Variants in DTNB observed in about 807,000 individuals in gnomAD.
DTNB encodes the protein dystrobrevin beta, also known as DTN-B.
In DTNB, 63 loss-of-function variants were observed where a neutral mutation model predicts 90.7. That is an observed-to-expected ratio of 0.69 (90% CI 0.57 to 0.86). The LOEUF is 0.86. DTNB is among the 40% of genes least tolerant of loss of function. The pLI is 0.00. For synonymous variants in DTNB, 277 were observed against 286.7 expected, an observed-to-expected ratio of 0.97 and a Z score of 0.34; for missense variants, 744 against 807.1, an observed-to-expected ratio of 0.92 and a Z score of 0.95.
chr2:25,608,781 G>GA (rs1016714279), intron 4 of DTNB, among the ~76,000 whole-genome samples: 16 of 150,156 alleles, frequency 1.1e-4, no homozygotes, highest in Middle Eastern at 3.4e-3. Context: ...TACAAAGAAG[G>GA]AAAAAAAAAC....
At chr2:25,618,702 T>C (rs543628948) in intron 4 of DTNB, among the ~76,000 whole-genome samples, 1 of 152,314 alleles carries the variant, frequency 6.6e-6, no homozygotes, top group South Asian at 2.1e-4. Flanking sequence ...GTTGAGATGA[T>C]AAGACAGAAG....
chr2:25,414,161 T>C (rs538024864), intron 16 of DTNB, among the ~76,000 whole-genome samples: 71 of 152,362 alleles, frequency 4.7e-4, no homozygotes, highest in Non-Finnish European at 9.0e-4. Flanking sequence ...GAGTTCTTTG[T>C]AGATTCTGGA....
intron 15 of DTNB, among the ~76,000 whole-genome samples, chr2:25,425,728 AG>A (rs2051335747): frequency 6.6e-6 from 1 of 152,242 alleles, no homozygotes; most frequent in Admixed American, 6.5e-5. Flanking sequence ...TACAAAATGC[AG>A]GGAGTTCTCA....
intron 8 of DTNB, among the ~76,000 whole-genome samples, chr2:25,533,958 T>G (rs1252676995): frequency 6.6e-6 from 1 of 151,386 alleles, no homozygotes; most frequent in Non-Finnish European, 1.5e-5. Context: ...ATTTATTTAT[T>G]TATTTATTTA....
chr2:25,506,722 ATTAAAT>A (rs2072543504), intron 9 of DTNB, among the ~76,000 whole-genome samples: 1 of 152,260 alleles, frequency 6.6e-6, no homozygotes, highest in African/African-American at 2.4e-5. Context: ...ATTGTTAAAA[ATTAAAT>A]TTAATGTTTT....
chr2:25,534,814 C>T lies in DTNB; in HGVS notation c.877-3217G>A, dbSNP rs187016809. ...GCAGAGGTACTCCCCACCTCCCAGACGAAGAGCGGCCGGGCAGAGGTGCCC... is the reference window on the plus strand; with the variant it reads ...GCAGAGGTACTCCCCACCTCCCAGATGAAGAGCGGCCGGGCAGAGGTGCCC... On this transcript the variant is annotated intron_variant, in intron 8 of 20. Coordinates refer to ENST00000406818, the MANE Select transcript of DTNB (RefSeq NM_021907.5). 6.7e-3 allele frequency among the ~76,000 whole-genome samples: 882 copies of T among 132,032 alleles called. 12 individuals are homozygous for T. Among genetic ancestry groups the T allele is most frequent in the Middle Eastern group, 0.03 (5 of 164 alleles). 86.6% of individuals were successfully genotyped at this position (132,032 alleles called of 152,430 possible).
At chr2:25,395,244 G>A (rs1442892072) in intron 16 of DTNB, among the ~76,000 whole-genome samples, 1 of 152,116 alleles carries the variant, frequency 6.6e-6, no homozygotes, top group Non-Finnish European at 1.5e-5. Flanking sequence ...GTGGGGTGTG[G>A]AAAAGGATAA....
At chr2:25,497,005 C>T (rs2069060752) in intron 9 of DTNB, among the ~76,000 whole-genome samples, 2 of 152,328 alleles carry the variant, frequency 1.3e-5, no homozygotes, top group South Asian at 2.1e-4. Context: ...TAAACCTTCA[C>T]ACTCTGTAGC....
chr2:25,459,828 C>T (rs969151437), intron 10 of DTNB, among the ~76,000 whole-genome samples: 1 of 152,014 alleles, frequency 6.6e-6, no homozygotes, highest in African/African-American at 2.4e-5. Context: ...GATCATTAGG[C>T]CGGGTGTGGT....
intron 8 of DTNB, among the ~76,000 whole-genome samples, chr2:25,555,887 G>A (rs935613334): frequency 6.6e-6 from 1 of 152,252 alleles, no homozygotes; most frequent in African/African-American, 2.4e-5. Flanking sequence ...GGGCATGGTG[G>A]CGTGTGCCTG....
intron 20 of DTNB, among the ~76,000 whole-genome samples, chr2:25,377,893 A>G (rs549127257): frequency 2.8e-4 from 43 of 152,328 alleles, no homozygotes; most frequent in African/African-American, 9.9e-4. Flanking sequence ...CGGCCAGCAG[A>G]GCGCAGGCCT....
intron 9 of DTNB, among the ~76,000 whole-genome samples, chr2:25,510,251 T>G (rs777098192): frequency 6.6e-5 from 10 of 152,112 alleles, no homozygotes; most frequent in Non-Finnish European, 1.3e-4. Flanking sequence ...CCTAGTTTTA[T>G]TTGATTCCTT....
chr2:25,533,221 G>A (rs2078606012), intron 8 of DTNB, among the ~76,000 whole-genome samples: 4 of 152,090 alleles, frequency 2.6e-5, no homozygotes, highest in Admixed American at 2.6e-4. Flanking sequence ...AGTGACTCGG[G>A]AAGCTGAGGT....
chr2:25,611,780 C>G lies in DTNB; in HGVS notation c.363-4459G>C, dbSNP rs80137055. 6.6e-5 allele frequency among the ~76,000 whole-genome samples: 10 copies of G among 152,126 alleles called. No homozygotes were observed. The East Asian group carries it at 1.9e-3, about 29-fold the overall frequency. On this transcript the variant is annotated intron_variant, in intron 4 of 20. Coordinates refer to ENST00000406818, the MANE Select transcript of DTNB (RefSeq NM_021907.5). ...CTTAAGTCCAGGGGTTTGGGACCAG[C>G]CTGGGCAATACAGTCAGACCTCATC... is the stretch of plus-strand genomic sequence containing the variant.
chr2:25,440,947 TCACCTA>T (rs2057236851), intron 12 of DTNB, among the ~76,000 whole-genome samples: 1 of 152,268 alleles, frequency 6.6e-6, no homozygotes, highest in South Asian at 2.1e-4. Context: ...ACCAAGTCAT[TCACCTA>T]CAGGCCTACC....
chr2:25,405,651 T>A (rs1056889023), intron 16 of DTNB, among the ~76,000 whole-genome samples: 1 of 152,148 alleles, frequency 6.6e-6, no homozygotes, highest in Non-Finnish European at 1.5e-5. Context: ...GATTTTTACA[T>A]TTTTTAATGG....
intron 4 of DTNB, among the ~76,000 whole-genome samples, chr2:25,621,397 G>A (rs1057063947): frequency 2.6e-5 from 4 of 151,418 alleles, no homozygotes; most frequent in African/African-American, 9.7e-5. Context: ...AGTATTAAGG[G>A]GGAACAATAT....
intron 10 of DTNB, among the ~76,000 whole-genome samples, chr2:25,457,581 A>C (rs909448876): frequency 1.2e-4 from 18 of 151,988 alleles, no homozygotes; most frequent in Non-Finnish European, 2.6e-4. Flanking sequence ...TCCTTTTCCC[A>C]TTTGTCCCGA....
At chr2:25,478,850 G>A (rs1190432120) in intron 10 of DTNB, among the ~76,000 whole-genome samples, 1 of 152,170 alleles carries the variant, frequency 6.6e-6, no homozygotes, top group Non-Finnish European at 1.5e-5. Flanking sequence ...CCCTGGAGGG[G>A]CAAGGCTGTA....
Sources: gnomAD v4.1 joint callset for allele counts (sites outside exome capture counted in the v4.1 genomes callset) on GRCh38, gnomAD v4.1.1 for gene constraint, MANE v1.5 for transcripts, NCBI Gene and HGNC (gene_info 2026-07-23, HGNC 2026-07-21) for gene names.